Variants in ALK observed in about 807,000 individuals in gnomAD.
ALK encodes ALK receptor tyrosine kinase.
ALK carries 74 observed loss-of-function variants against 163.1 expected under a neutral mutation model. The observed-to-expected ratio is 0.45, with a 90% CI of 0.38 to 0.55. ALK has a LOEUF of 0.55. Ranked by LOEUF, ALK falls within the 20% of genes least tolerant of loss-of-function variation. ALK has a pLI of 0.00. For synonymous variants in ALK, 960 were observed against 843.2 expected, an observed-to-expected ratio of 1.14 and a Z score of -2.40; for missense variants, 2,063 against 2,105.3, an observed-to-expected ratio of 0.98 and a Z score of 0.39.
At chr2:29,781,413 A>G (rs918938416) in intron 1 of ALK, among the ~76,000 whole-genome samples, 8 of 152,154 alleles carry the variant, frequency 5.3e-5, no homozygotes, top group Non-Finnish European at 1.2e-4. Flanking sequence ...CAGTTTCCCC[A>G]TCCTCCTTGC....
chr2:29,622,347 A>C (rs982103074), intron 3 of ALK, among the ~76,000 whole-genome samples: 12 of 152,224 alleles, frequency 7.9e-5, no homozygotes, highest in African/African-American at 2.9e-4. Context: ...CCTCAGAATC[A>C]TAATGGGAGG....
rs79193569 is a variant in ALK at position 29,863,670 on chromosome 2, T to C, written c.667+56323A>G. Among the ~76,000 whole-genome samples the C allele has an allele frequency of 7.2e-3, 1,099 of 152,266 alleles. 13 individuals are homozygous for C. The highest frequency in any genetic ancestry group is 0.024 in the African/African-American group (988 of 41,580). ...TGAAGGAAAGGAAACCCTTACACTG[T>C]TGGTAAGAATATAGATTAGTACAGC... On this transcript the variant is annotated intron_variant, in intron 1 of 28. Coordinates refer to ENST00000389048, the MANE Select transcript of ALK (RefSeq NM_004304.5).
chr2:29,280,937 G>T (rs1202711432), intron 9 of ALK, among the ~76,000 whole-genome samples: 1 of 149,684 alleles, frequency 6.7e-6, no homozygotes, highest in Non-Finnish European at 1.5e-5. Flanking sequence ...ACTGAGGGAA[G>T]GTTCTGGTAT....
At chr2:29,218,873 C>G (rs183557331) in intron 23 of ALK, among the ~76,000 whole-genome samples, 2 of 152,376 alleles carry the variant, frequency 1.3e-5, no homozygotes, top group East Asian at 3.9e-4. Context: ...GCCAGTGAAT[C>G]TGATGCCTGT....
At chr2:29,736,390 T>A (rs1256838736) in intron 1 of ALK, among the ~76,000 whole-genome samples, 1 of 152,094 alleles carries the variant, frequency 6.6e-6, no homozygotes, top group Non-Finnish European at 1.5e-5. Flanking sequence ...GTGTCATTTT[T>A]TTTTTAAATC....
In ALK at chr2:29,559,101, C is replaced by T. The variant is rs147358965; in HGVS notation, c.953-26985G>A. ...ACCTTGAAGGGTTCAGACAAGTCTA[C>T]CCAGATCTGAGGGCAAAAAGTGTTT... On this transcript the variant is annotated intron_variant, in intron 3 of 28. Transcript: ENST00000389048. 3.2e-3 allele frequency among the ~76,000 whole-genome samples: 483 copies of T among 152,230 alleles called. 1 individual carries two copies. The highest frequency in any genetic ancestry group is 0.011 in the African/African-American group (456 of 41,536).
At chr2:29,689,414 C>T (rs572403300) in intron 3 of ALK, among the ~76,000 whole-genome samples, 16 of 152,330 alleles carry the variant, frequency 1.1e-4, no homozygotes, top group Admixed American at 5.2e-4. Context: ...GTCCCTGCTA[C>T]TCCTGGGATA....
At chr2:29,600,494 G>T (rs958995264) in intron 3 of ALK, among the ~76,000 whole-genome samples, 1 of 152,174 alleles carries the variant, frequency 6.6e-6, no homozygotes, top group African/African-American at 2.4e-5. Flanking sequence ...AGTTTATGTG[G>T]GAAACAAAAT....
chr2:29,656,909 AACCTTTTTTCCTGCTTATATAAAGGGCAT>A (rs1285047667), intron 3 of ALK, among the ~76,000 whole-genome samples: 1 of 152,156 alleles, frequency 6.6e-6, no homozygotes, highest in Admixed American at 6.6e-5. Flanking sequence ...CAAAACTCAG[AACCTTTTTTCCTGCTTATATAAAGGGCAT>A]GGTGTCTCCC....
intron 3 of ALK, among the ~76,000 whole-genome samples, chr2:29,557,741 C>G (rs1673902608): frequency 6.6e-6 from 1 of 152,082 alleles, no homozygotes; most frequent in Non-Finnish European, 1.5e-5. Flanking sequence ...AGTGTGAAAA[C>G]AAGCAAGAAC....
intron 13 of ALK, among the ~76,000 whole-genome samples, chr2:29,236,026 T>C (rs1232293496): frequency 1.3e-5 from 2 of 151,396 alleles, no homozygotes; most frequent in African/African-American, 4.8e-5. Context: ...TATTTTTTTT[T>C]TTTTTTAGAT....
intron 1 of ALK, among the ~76,000 whole-genome samples, chr2:29,875,601 G>A (rs1199093242): frequency 6.6e-6 from 1 of 152,006 alleles, no homozygotes; most frequent in Non-Finnish European, 1.5e-5. Flanking sequence ...ACCCCCGACA[G>A]GCCCCGGCGT....
chr2:29,382,751 A>G (rs912862927), intron 5 of ALK, among the ~76,000 whole-genome samples: 1 of 152,244 alleles, frequency 6.6e-6, no homozygotes, highest in Non-Finnish European at 1.5e-5. Context: ...ATTGCCTCAT[A>G]TCATAGGTTA....
intron 3 of ALK, among the ~76,000 whole-genome samples, chr2:29,646,859 T>C (rs1032827961): frequency 6.6e-6 from 1 of 152,210 alleles, no homozygotes; most frequent in Non-Finnish European, 1.5e-5. Context: ...TTATTTACTT[T>C]CAACATATTG....
chr2:29,220,911 T>C, intron 22 of ALK, 76 bp from the exon 23 acceptor site: 1 of 1,591,958 alleles, frequency 6.3e-7, no homozygotes. Flanking sequence ...AGGAACAGGA[T>C]ACAAAGTTAC....
intron 1 of ALK, among the ~76,000 whole-genome samples, chr2:29,865,143 T>C (rs1257368865): frequency 6.6e-6 from 1 of 152,224 alleles, no homozygotes; most frequent in Non-Finnish European, 1.5e-5. Flanking sequence ...AACATTGCCA[T>C]GATCTTCTTG....
intron 8 of ALK, among the ~76,000 whole-genome samples, chr2:29,306,844 G>GA (rs1666522465): frequency 1.3e-5 from 2 of 152,184 alleles, no homozygotes; most frequent in Non-Finnish European, 2.9e-5. Context: ...TTTATATGCA[G>GA]ACAGCAAATG....
chr2:29,840,994 T>C (rs1397480455), intron 1 of ALK, among the ~76,000 whole-genome samples: 1 of 152,192 alleles, frequency 6.6e-6, no homozygotes, highest in Non-Finnish European at 1.5e-5. Context: ...CATCAAACAC[T>C]GCAGTCACCG....
intron 3 of ALK, among the ~76,000 whole-genome samples, chr2:29,670,373 GA>G (rs1260148955): frequency 1.3e-5 from 2 of 152,046 alleles, no homozygotes; most frequent in African/African-American, 4.8e-5. Flanking sequence ...AGTCTGTTGA[GA>G]AGTCTGTTAC....
Sources: gnomAD v4.1 joint callset for allele counts (sites outside exome capture counted in the v4.1 genomes callset) on GRCh38, gnomAD v4.1.1 for gene constraint, MANE v1.5 for transcripts, NCBI Gene and HGNC (gene_info 2026-07-23, HGNC 2026-07-21) for gene names.